Variants in JMJD6 observed in about 807,000 individuals in gnomAD.
The protein encoded by JMJD6 is bifunctional arginine demethylase and lysyl-hydroxylase JMJD6.
Under a neutral mutation model 45.8 loss-of-function variants are expected in JMJD6, and 17 were observed. That is an observed-to-expected ratio of 0.37 (90% CI 0.25 to 0.56). JMJD6 has a LOEUF of 0.56. JMJD6 is among the 20% of genes least tolerant of loss of function. JMJD6 has a pLI of 0.79. For missense variants in JMJD6, 470 were observed against 517.5 expected, an observed-to-expected ratio of 0.91 and a Z score of 0.89; for synonymous variants, 221 against 196.3, an observed-to-expected ratio of 1.13 and a Z score of -1.05.
In JMJD6 at chr17:76,726,472, T is replaced by A. The variant is rs1437518719; in HGVS notation, c.4A>T (p.Asn2Tyr). ...CGGATGCGCTTCTTGCTCTTGTGGT[T>A]CATTCTGCGGGGTCGCCAGCTGGTT... M[N>Y]HKSKKRIREA... The change falls in exon 1 of 6, where the codon AAC (asparagine) becomes TAC (tyrosine). Residue 2 changes from asparagine (N) to tyrosine (Y), a missense_variant. By Grantham distance (143) the Asn-to-Tyr change is moderately radical. Transcript: ENST00000397625. 6.3e-7 allele frequency: 1 copy of A among 1,598,620 alleles called. No individual in the cohort carries two copies. The highest frequency in any genetic ancestry group is 8.5e-7 in the Non-Finnish European group (1 of 1,173,516).
intron 3 of JMJD6, among the ~76,000 whole-genome samples, chr17:76,723,460 A>G (rs1486129135): frequency 7.6e-6 from 1 of 130,736 alleles, no homozygotes; most frequent in Non-Finnish European, 1.6e-5. Context: ...TTTTTTTTTG[A>G]GATGGAGTCT....
At chr17:76,726,261 C>G in intron 1 of JMJD6, 86 bp downstream of exon 1, 1 of 1,457,624 alleles carries the variant, frequency 6.9e-7, no homozygotes, top group East Asian at 2.8e-5. Flanking sequence ...GCGCTCGGGG[C>G]GAGGGCAGCC....
intron 2 of JMJD6, among the ~76,000 whole-genome samples, chr17:76,724,902 T>C (rs1324314396): frequency 1.3e-5 from 2 of 152,096 alleles, no homozygotes; most frequent in African/African-American, 4.8e-5. Context: ...TAGAGATCAG[T>C]GCTTCAACCA....
downstream of JMJD6, among the ~76,000 whole-genome samples, chr17:76,717,318 G>A (rs1952017269): frequency 6.6e-6 from 1 of 152,192 alleles, no homozygotes; most frequent in East Asian, 1.9e-4. Flanking sequence ...AAAGTGCTGG[G>A]ATTACAGGCT....
At chr17:76,714,971 C>T (rs1376481821), downstream of JMJD6, 3 of 152,086 alleles carry the variant, frequency 2.0e-5, no homozygotes. Flanking sequence ...TTTTAAAATT[C>T]AAAATTTCTG....
At chr17:76,713,587 A>C (rs1021287321), downstream of JMJD6, 22 of 152,212 alleles carry the variant, frequency 1.4e-4, no homozygotes, top group Admixed American at 5.9e-4. Context: ...ACTCGTGGAA[A>C]TACTACAGAC....
downstream of JMJD6, among the ~76,000 whole-genome samples, chr17:76,718,241 C>T (rs989010104): frequency 2.1e-4 from 32 of 150,178 alleles, no homozygotes; most frequent in Admixed American, 8.0e-4. Context: ...CAAGCAGCAA[C>T]GGCAAACTGG....
downstream of JMJD6, chr17:76,713,537 A>G (rs1439140117): frequency 6.6e-6 from 1 of 152,236 alleles, no homozygotes; most frequent in Non-Finnish European, 1.5e-5. Flanking sequence ...CTCCACTTCA[A>G]ATCTACCAGC....
rs1032615040 is a variant in JMJD6 at position 76,726,519 on chromosome 17, C to T, written c.-44G>A. 2 of 1,563,672 alleles carry T rather than the reference C, an allele frequency of 1.3e-6. No homozygotes were observed. Among genetic ancestry groups the T allele is most frequent in the Middle Eastern group, 1.7e-4 (1 of 5,876 alleles). On this transcript the variant is annotated 5_prime_UTR_variant, in exon 1 of 6. Coordinates refer to ENST00000397625, the MANE Select transcript of JMJD6 (RefSeq NM_015167.3). ...GGTTCCGCTACGACCTCGGCGCAGC[C>T]CGCTTCCTGACACTAACGCACCCCT... is the stretch of plus-strand genomic sequence containing the variant.
intron 4 of JMJD6, 102 bp downstream of exon 4, chr17:76,721,696 C>T (rs770310980): frequency 2.3e-4 from 302 of 1,318,682 alleles, no homozygotes; most frequent in Non-Finnish European, 2.9e-4. Flanking sequence ...TTTGCCCAGG[C>T]CTGTGTACGA....
intron 3 of JMJD6, among the ~76,000 whole-genome samples, chr17:76,722,146 T>A (rs1402666734): frequency 6.6e-6 from 1 of 152,152 alleles, no homozygotes; most frequent in African/African-American, 2.4e-5. Flanking sequence ...GGTGACGGAT[T>A]GTCTAGGGCT....
chr17:76,722,030 G>A (rs2076831841), intron 3 of JMJD6, 97 bp from the exon 4 acceptor site: 3 of 1,321,820 alleles, frequency 2.3e-6, no homozygotes, highest in African/African-American at 3.0e-5. Context: ...TACCCATAAG[G>A]GAGAGCCTAC....
At position 76,725,860 on chromosome 17, in the gene JMJD6, G is replaced by A. The variant is rs1487326446; in HGVS notation, c.130-5C>T. 1.3e-6 allele frequency: 2 copies of A among 1,586,090 alleles called. No individual in the cohort carries two copies. The highest frequency in any genetic ancestry group is 1.7e-6 in the Non-Finnish European group (2 of 1,171,472). On this transcript the variant is annotated splice_region_variant and splice_polypyrimidine_tract_variant and intron_variant, in intron 1 of 5. Transcript: ENST00000397625. The stretch of plus-strand genomic sequence containing the variant: ...ATCTGCCCTTTCCACGTTATCCTGA[G>A]GGAATTAAAAAAGACCTGTCCAGTT...
chr17:76,718,643 T>C lies in JMJD6; in HGVS notation c.*86A>G, dbSNP rs756666351. 7.2e-6 allele frequency: 11 copies of C among 1,528,860 alleles called. No individual in the cohort carries two copies. Among genetic ancestry groups the C allele is most frequent in the African/African-American group, 1.4e-5 (1 of 72,080 alleles). The allele number at this position is 1,528,860 out of a possible 1,614,324, so 94.7% of individuals were successfully genotyped here. ...TCTTGGGCTCTGTCAGGCCTCCCCTTGTCTGCAGGACTGGACAGGCCACCC... is the reference window on the plus strand; with the variant it reads ...TCTTGGGCTCTGTCAGGCCTCCCCTCGTCTGCAGGACTGGACAGGCCACCC... On this transcript the variant is annotated 3_prime_UTR_variant, in exon 6 of 6. Coordinates refer to ENST00000397625, the MANE Select transcript of JMJD6 (RefSeq NM_015167.3).
chr17:76,723,937 G>C lies in JMJD6; in HGVS notation c.640C>G (p.Pro214Ala), dbSNP rs775952112. 9.9e-6 allele frequency: 16 copies of C among 1,614,068 alleles called. No individual in the cohort carries two copies. Among genetic ancestry groups the C allele is most frequent in the Non-Finnish European group, 1.2e-5 (14 of 1,180,004 alleles). Reference protein sequence around the residue: ...KRWCLFPTSTPRELIKVTRDE... With the variant: ...KRWCLFPTSTARELIKVTRDE... ...CGGGTCACTTTGATGAGTTCCCTGGGAGTGCTGGTAGGAAACAGGCACCAG... is the reference window on the plus strand; with the variant it reads ...CGGGTCACTTTGATGAGTTCCCTGGCAGTGCTGGTAGGAAACAGGCACCAG... The change falls in exon 3 of 6, where the codon CCC (proline) becomes GCC (alanine). Residue 214 changes from proline (P) to alanine (A), a missense_variant. By Grantham distance (27) the Pro-to-Ala change is conservative. Around this residue, in one of 4 missense-constraint regions of JMJD6, gnomAD observed 346 missense variants for 339.5 expected, o/e 1.02. Coordinates refer to ENST00000397625, the MANE Select transcript of JMJD6 (RefSeq NM_015167.3).
intron 3 of JMJD6, 36 bp downstream of exon 3, chr17:76,723,736 C>T (rs763409966): frequency 2.1e-5 from 33 of 1,600,952 alleles, no homozygotes; most frequent in East Asian, 1.8e-4. Context: ...CCACCGCGCC[C>T]GGCAAAGAAT....
At chr17:76,717,701 A>C (rs1351395341), downstream of JMJD6, among the ~76,000 whole-genome samples, 1 of 152,018 alleles carries the variant, frequency 6.6e-6, no homozygotes, top group East Asian at 1.9e-4. Context: ...TAATAAAAAA[A>C]ATTAGCTGGC....
chr17:76,722,289 C>T (rs191994716), intron 3 of JMJD6, among the ~76,000 whole-genome samples: 1 of 152,328 alleles, frequency 6.6e-6, no homozygotes, highest in East Asian at 1.9e-4. Context: ...AGTGCAAAAG[C>T]ATAAAGTTCT....
chr17:76,725,406 C>CAAAAAAAAA (rs36106744), intron 2 of JMJD6, 61 bp downstream of exon 2: 46 of 959,038 alleles, frequency 4.8e-5, no homozygotes, highest in South Asian at 2.6e-4. Context: ...CGCTCTGTCT[C>CAAAAAAAAA]AAAAAAAAAA....
Sources: allele counts gnomAD v4.1 joint callset (sites outside exome capture counted in the v4.1 genomes callset), GRCh38; gene constraint gnomAD v4.1.1; regional missense constraint gnomAD v4.1.1; transcripts MANE v1.5; gene names NCBI Gene and HGNC (gene_info 2026-07-23, HGNC 2026-07-21).